The following LAMA3 variants were observed in gnomAD, a reference collection of about 807,000 sequenced individuals.
LAMA3 encodes laminin subunit alpha-3.
A neutral mutation model predicts 402.0 loss-of-function variants in LAMA3; 281 were observed. That is an observed-to-expected ratio of 0.70 (90% CI 0.63 to 0.77). The LOEUF (loss-of-function observed/expected upper bound fraction) is 0.77. Ranked by LOEUF, LAMA3 falls within the 30% of genes least tolerant of loss-of-function variation. The probability of loss-of-function intolerance (pLI) is 0.00; values close to 1 mark genes in which losing one functional copy is unlikely to be tolerated. For missense variants in LAMA3, 3,840 were observed against 4,215.5 expected (o/e 0.91, Z 2.47); for synonymous variants, 1,431 against 1,558.4 (o/e 0.92, Z 1.93).
intron 12 of LAMA3, among the ~76,000 whole-genome samples, chr18:23,801,339 A>G (rs1202859612): frequency 6.6e-6 from 1 of 152,152 alleles, no homozygotes; most frequent in South Asian, 2.1e-4. Flanking sequence ...AAAACTACCT[A>G]TCAGGTACTA....
intron 35 of LAMA3, among the ~76,000 whole-genome samples, chr18:23,863,074 A>T (rs2064265040): frequency 6.6e-6 from 1 of 152,142 alleles, no homozygotes; most frequent in South Asian, 2.1e-4. Flanking sequence ...GTGTTTTTGT[A>T]ACCTAATTTC....
chr18:23,892,767 G>A (rs919709014), intron 42 of LAMA3, among the ~76,000 whole-genome samples: 17 of 151,924 alleles, frequency 1.1e-4, no homozygotes, highest in African/African-American at 3.4e-4. Flanking sequence ...GCTGGGTGTG[G>A]TGGCAGATGC....
intron 72 of LAMA3, among the ~76,000 whole-genome samples, chr18:23,951,044 C>G (rs1185423048): frequency 1.3e-5 from 2 of 152,164 alleles, no homozygotes; most frequent in Non-Finnish European, 2.9e-5. Context: ...TAGCTACATG[C>G]AAATTAAATG....
rs765038018 is a variant in LAMA3 at position 23,914,500 on chromosome 18, G to A, written c.7420G>A (p.Asp2474Asn). 14 of 1,614,014 alleles carry A rather than the reference G, an allele frequency of 8.7e-6. No individual in the cohort carries two copies. The Admixed American group carries it at 2.3e-4, about 27-fold the overall frequency. The change falls in exon 57 of 75, where the codon GAC (aspartate) becomes AAC (asparagine). Residue 2474 changes from aspartate (D) to asparagine (N), a missense_variant. Coordinates refer to ENST00000313654, the MANE Select transcript of LAMA3 (RefSeq NM_198129.4). ...LGDREAELQV[D>N]QILTKSETKE... The stretch of plus-strand genomic sequence containing the variant: ...GGACCGTGAGGCTGAACTCCAAGTG[G>A]ACCAGATCTTGACCAAGAGTGAGAC...
At chr18:23,705,371 C>T (rs778648777) in intron 1 of LAMA3, among the ~76,000 whole-genome samples, 31 of 151,548 alleles carry the variant, frequency 2.0e-4, no homozygotes, top group Non-Finnish European at 4.3e-4. Flanking sequence ...TATTTATATA[C>T]ACAAATATAT....
chr18:23,789,822 TA>T (rs2062616467), intron 12 of LAMA3, among the ~76,000 whole-genome samples: 1 of 152,240 alleles, frequency 6.6e-6, no homozygotes, highest in African/African-American at 2.4e-5. Flanking sequence ...TTGTATGGTA[TA>T]TGAATTTTAT....
Position 23,763,105 on chromosome 18 carries a change from G to A in LAMA3, c.1064-300G>A, listed in dbSNP as rs191405762. ...CTCCTGAACTCATTGTGATCCATCCGCCTAGGCCTCCCAAAGTGCTGGAAT... is the reference window on the plus strand; with the variant it reads ...CTCCTGAACTCATTGTGATCCATCCACCTAGGCCTCCCAAAGTGCTGGAAT... On this transcript the variant is annotated intron_variant, in intron 7 of 74. Coordinates refer to ENST00000313654, the MANE Select transcript of LAMA3 (RefSeq NM_198129.4). Among the ~76,000 whole-genome samples the A allele has an allele frequency of 1.5e-4, 23 of 152,096 alleles. No homozygotes were observed. The East Asian group carries it at 3.9e-3, about 26-fold the overall frequency.
chr18:23,747,674 G>C (rs1234850825), intron 2 of LAMA3, among the ~76,000 whole-genome samples: 1 of 152,006 alleles, frequency 6.6e-6, no homozygotes, highest in Non-Finnish European at 1.5e-5. Context: ...GGTTGCAATG[G>C]AATGGCATAT....
intron 24 of LAMA3, among the ~76,000 whole-genome samples, chr18:23,835,461 A>G (rs1413615806): frequency 1.3e-5 from 2 of 152,212 alleles, no homozygotes; most frequent in South Asian, 2.1e-4. Context: ...CTAAGTCTGA[A>G]TGGAGTTATT....
At chr18:23,770,836 A>G (rs568317437) in intron 8 of LAMA3, among the ~76,000 whole-genome samples, 18 of 152,286 alleles carry the variant, frequency 1.2e-4, no homozygotes, top group Admixed American at 1.0e-3. Flanking sequence ...TAAGATTACA[A>G]TGACATACTA....
chr18:23,913,252 C>G (rs1305045360), intron 56 of LAMA3, among the ~76,000 whole-genome samples: 1 of 152,186 alleles, frequency 6.6e-6, no homozygotes, highest in Non-Finnish European at 1.5e-5. Flanking sequence ...AGGAGTAGCT[C>G]CTCCTCACAG....
chr18:23,896,906 G>A (rs1049906728), intron 44 of LAMA3, among the ~76,000 whole-genome samples: 1 of 152,064 alleles, frequency 6.6e-6, no homozygotes, highest in Non-Finnish European at 1.5e-5. Flanking sequence ...AAAGAAAGGG[G>A]AACTCCCACC....
intron 1 of LAMA3, chr18:23,709,785 C>CT (rs1568100562): frequency 1.2e-5 from 7 of 602,286 alleles, no homozygotes; most frequent in South Asian, 4.4e-5. Flanking sequence ...TTCTTTCTTT[C>CT]TTTTTTTCTG....
intron 12 of LAMA3, among the ~76,000 whole-genome samples, chr18:23,784,896 G>C (rs547508750): frequency 1.3e-5 from 2 of 152,242 alleles, no homozygotes; most frequent in East Asian, 3.9e-4. Context: ...CCAGGATCAA[G>C]GCAGGAAATA....
At position 23,805,252 on chromosome 18, in the gene LAMA3, A is replaced by G. The variant is rs144828310; in HGVS notation, c.1604-5114A>G. Among the ~76,000 whole-genome samples, 786 of 152,300 alleles carry G rather than the reference A, an allele frequency of 5.2e-3. 8 individuals are homozygous for G. The highest frequency in any genetic ancestry group is 0.01 in the Middle Eastern group (3 of 294). ...TTGGAGTTGCTACCTGGTTAAGTTT[A>G]TAATAATCTACTGTCATTATCCAGG... On this transcript the variant is annotated intron_variant, in intron 12 of 74. Transcript: ENST00000313654.
rs565368053 is a variant in LAMA3, at chr18:23,753,716, T to C, written c.856-5T>C. 2.9e-5 allele frequency: 46 copies of C among 1,609,952 alleles called. No homozygotes were observed. The South Asian group carries it at 4.7e-4, about 17-fold the overall frequency. ...AACTTGCATGTTCTGTGTTCTGTTG[T>C]GCAGTATTATTACAGCATAAAGGAC... On this transcript the variant is annotated splice_region_variant and splice_polypyrimidine_tract_variant and intron_variant, in intron 5 of 74. Transcript: ENST00000313654.
Position 23,784,151 on chromosome 18 carries a change from T to C in LAMA3, c.1597T>C (p.Cys533Arg). 1 of 1,614,150 alleles carries C rather than the reference T, an allele frequency of 6.2e-7. No homozygotes were observed. Among genetic ancestry groups the C allele is most frequent in the Non-Finnish European group, 8.5e-7 (1 of 1,180,016 alleles). Residue 533 changes from cysteine (C) to arginine (R), a missense_variant, in exon 12 of 75, where the codon TGC (cysteine) becomes CGC (arginine). Cys to Arg is a radical substitution (Grantham distance 180). Coordinates refer to ENST00000313654, the MANE Select transcript of LAMA3 (RefSeq NM_198129.4). ...CRSGFYSFPI[C>R]QACWCSALGS... ...CTCTGGTTTCTACTCATTCCCTATTTGCCAAGGTAAGTGGGCAGAACATAG... is the reference window on the plus strand; with the variant it reads ...CTCTGGTTTCTACTCATTCCCTATTCGCCAAGGTAAGTGGGCAGAACATAG...
Position 23,689,962 on chromosome 18 carries a change from C to A in LAMA3, c.279C>A (p.Ser93Arg), listed in dbSNP as rs779777548. The A allele has an allele frequency of 5.3e-6, 8 of 1,507,464 alleles. No homozygotes were observed. The highest frequency in any genetic ancestry group is 7.1e-6 in the Non-Finnish European group (8 of 1,127,392). The allele number at this position is 1,507,464 out of a possible 1,614,324, so 93.4% of individuals were successfully genotyped here. A position where few individuals can be genotyped will look rare whatever the true frequency, so the allele number is the denominator to read the frequency against. The change falls in exon 1 of 75, where the codon AGC becomes AGA. Residue 93 changes from serine (S) to arginine (R), a missense_variant. Physicochemically the swap from Ser to Arg is moderately radical, Grantham distance 110 (BLOSUM62 -1). This residue lies in a region of LAMA3 where 2,109 missense variants were observed against 2,376.0 expected (regional missense o/e 0.89). Coordinates refer to ENST00000313654, the MANE Select transcript of LAMA3 (RefSeq NM_198129.4). ...KLVGGPTAPG[S>R]GHTIQGQFCD... ...TCGGGGGCCCCACCGCCCCAGGCAGCGGCCACACCATCCAGGTGAGGGCCT... is the reference window on the plus strand; with the variant it reads ...TCGGGGGCCCCACCGCCCCAGGCAGAGGCCACACCATCCAGGTGAGGGCCT...
At chr18:23,753,362 G>T (rs1164932403) in intron 5 of LAMA3, among the ~76,000 whole-genome samples, 1 of 152,138 alleles carries the variant, frequency 6.6e-6, no homozygotes, top group Non-Finnish European at 1.5e-5. Context: ...TATTTTCAAT[G>T]TATAAAATTC....
Sources: allele counts gnomAD v4.1 joint callset (sites outside exome capture counted in the v4.1 genomes callset), GRCh38; gene constraint gnomAD v4.1.1; regional missense constraint gnomAD v4.1.1; transcripts MANE v1.5; gene names NCBI Gene and HGNC (gene_info 2026-07-23, HGNC 2026-07-21).